The following SPECC1L variants were observed in gnomAD, a reference collection of about 807,000 sequenced individuals.
The protein encoded by SPECC1L is sperm antigen with calponin homology and coiled-coil domains 1 like, also known as cytospin-A.
Under a neutral mutation model 116.8 loss-of-function variants are expected in SPECC1L, and 40 were observed. The ratio of observed to expected loss-of-function variants is 0.34; its 90% CI spans 0.27 to 0.45. The LOEUF is 0.45. Among genes scored for constraint, SPECC1L ranks in the 20% least tolerant of loss-of-function variants. The probability of loss-of-function intolerance (pLI) is 1.00; values close to 1 mark genes in which losing one functional copy is unlikely to be tolerated. For synonymous variants in SPECC1L, 504 were observed against 500.6 expected (o/e 1.01, Z -0.09); for missense variants, 1,110 against 1,373.6 (o/e 0.81, Z 3.03).
intron 11 of SPECC1L, among the ~76,000 whole-genome samples, chr22:24,361,205 C>T (rs550531536): frequency 1.3e-5 from 2 of 152,094 alleles, no homozygotes; most frequent in East Asian, 3.9e-4. Context: ...CAAGATTAGC[C>T]TGGGCAAGAT....
chr22:24,366,916 G>A lies in SPECC1L; in HGVS notation c.2984+1284G>A, dbSNP rs568088670. On this transcript the variant is annotated intron_variant, in intron 13 of 16. Coordinates refer to ENST00000314328, the MANE Select transcript of SPECC1L (RefSeq NM_015330.6). ...TTAAGAATAATTAAAGGAAGCAGCCGGGTGTGGTGGCTCACGTCTGTAATC... is the reference window on the plus strand; with the variant it reads ...TTAAGAATAATTAAAGGAAGCAGCCAGGTGTGGTGGCTCACGTCTGTAATC... Among the ~76,000 whole-genome samples, 380 of 152,250 alleles carry A rather than the reference G, an allele frequency of 2.5e-3. 3 individuals are homozygous for A. Among genetic ancestry groups the A allele is most frequent in the Middle Eastern group, 6.8e-3 (2 of 294 alleles).
chr22:24,414,636 G>A lies in SPECC1L; in HGVS notation c.*13G>A. 6.2e-7 allele frequency: 1 copy of A among 1,612,794 alleles called. No individual in the cohort carries two copies. The highest frequency in any genetic ancestry group is 8.5e-7 in the Non-Finnish European group (1 of 1,179,246). On this transcript the variant is annotated 3_prime_UTR_variant, in exon 17 of 17. Transcript: ENST00000314328. ...CTTTGAGACCTGAGCATGCCGGGAG[G>A]AGCCGCCCCAATAGCGGGGGTACCC...
intron 4 of SPECC1L, among the ~76,000 whole-genome samples, chr22:24,314,857 T>A (rs1569416623): frequency 6.6e-6 from 1 of 152,246 alleles, no homozygotes. Context: ...TTGTCCCTCT[T>A]TAAATGATGT....
intron 14 of SPECC1L, among the ~76,000 whole-genome samples, chr22:24,397,177 C>T (rs2042385015): frequency 6.6e-6 from 1 of 152,050 alleles, no homozygotes; most frequent in Non-Finnish European, 1.5e-5. Context: ...GCCATTTTCC[C>T]TCTGCCAAAA....
At chr22:24,302,824 T>C (rs1210856865) in intron 3 of SPECC1L, among the ~76,000 whole-genome samples, 1 of 152,196 alleles carries the variant, frequency 6.6e-6, no homozygotes, top group Non-Finnish European at 1.5e-5. Context: ...GAAAAGGTCA[T>C]GTGAGCCAAG....
chr22:24,292,947 A>G (rs1478383401), intron 2 of SPECC1L, among the ~76,000 whole-genome samples: 1 of 152,196 alleles, frequency 6.6e-6, no homozygotes, highest in African/African-American at 2.4e-5. Flanking sequence ...AAAGGTTTAG[A>G]TTTTTTAGAA....
At chr22:24,292,405 C>A (rs1051161496) in intron 2 of SPECC1L, among the ~76,000 whole-genome samples, 6 of 152,140 alleles carry the variant, frequency 3.9e-5, no homozygotes, top group Non-Finnish European at 4.4e-5. Flanking sequence ...GATGAAGTAA[C>A]TTCTGGAAGT....
intron 13 of SPECC1L, among the ~76,000 whole-genome samples, chr22:24,366,376 G>A (rs2041766744): frequency 6.6e-6 from 1 of 152,042 alleles, no homozygotes; most frequent in African/African-American, 2.4e-5. Flanking sequence ...TGTGTTTTTA[G>A]TAGAGATGGG....
At chr22:24,311,804 CAAAAA>C (rs915422222) in intron 3 of SPECC1L, among the ~76,000 whole-genome samples, 4,217 of 46,406 alleles carry the variant, frequency 0.091, 157 homozygotes, top group African/African-American at 0.25. Context: ...GACTTTGTCT[CAAAAA>C]AAAAAAAAAA....
chr22:24,320,420 TATTTAAC>T (rs1200641562), intron 4 of SPECC1L, among the ~76,000 whole-genome samples: 2 of 152,234 alleles, frequency 1.3e-5, no homozygotes, highest in African/African-American at 4.8e-5. Flanking sequence ...GCATCATCAT[TATTTAAC>T]ATTAGTGCTT....
At chr22:24,363,118 A>AT in intron 11 of SPECC1L, 143 bp from the exon 12 acceptor site, 1 of 741,818 alleles carries the variant, frequency 1.3e-6, no homozygotes, top group Non-Finnish European at 2.4e-6. Flanking sequence ...TAAACAGACT[A>AT]TGGGAAATTG....
At chr22:24,367,256 CT>C (rs1480417714) in intron 13 of SPECC1L, among the ~76,000 whole-genome samples, 1 of 152,100 alleles carries the variant, frequency 6.6e-6, no homozygotes, top group East Asian at 1.9e-4. Context: ...TTTGATGTGC[CT>C]TTTTGCATCC....
intron 13 of SPECC1L, among the ~76,000 whole-genome samples, chr22:24,366,844 A>G (rs1377666796): frequency 6.6e-6 from 1 of 152,188 alleles, no homozygotes; most frequent in East Asian, 1.9e-4. Flanking sequence ...GATGTCAAAA[A>G]TTTAGCATAC....
Position 24,319,449 on chromosome 22 carries a change from A to G in SPECC1L, c.308-1839A>G, listed in dbSNP as rs537428056. On this transcript the variant is annotated intron_variant, in intron 4 of 16. Transcript: ENST00000314328. ...TCCCAACAGGTCCCTCCCGAAACAC[A>G]TAGGGATTATGGGAACTACAGTTCA... Among the ~76,000 whole-genome samples the G allele has an allele frequency of 3.9e-5, 6 of 152,340 alleles. No homozygotes were observed. In the East Asian group the frequency reaches 9.6e-4, roughly 24 times the overall value.
intron 14 of SPECC1L, among the ~76,000 whole-genome samples, chr22:24,399,790 T>G (rs1224032559): frequency 6.6e-6 from 1 of 152,166 alleles, no homozygotes; most frequent in Non-Finnish European, 1.5e-5. Context: ...GGATGACATA[T>G]ATCAGGTTCC....
At position 24,270,962 on chromosome 22, in the gene SPECC1L, G is replaced by T. The variant is rs1223832935; in HGVS notation, c.-163G>T. 1 of 152,284 alleles carries T rather than the reference G, an allele frequency of 6.6e-6. No homozygotes were observed. Among genetic ancestry groups the T allele is most frequent in the South Asian group, 2.1e-4 (1 of 4,838 alleles). The allele number at this position is 152,284 out of a possible 1,614,324, so 9.4% of individuals were successfully genotyped here. On this transcript the variant is annotated 5_prime_UTR_variant, in exon 1 of 17. The change creates a new upstream start codon in the 5' untranslated region. Coordinates refer to ENST00000314328, the MANE Select transcript of SPECC1L (RefSeq NM_015330.6). ...CCCAGCCCAAACCAGGAGATTGCGAGGGAGCGATGCGGTGCAGCGCGGTAA... is the reference window on the plus strand; with the variant it reads ...CCCAGCCCAAACCAGGAGATTGCGATGGAGCGATGCGGTGCAGCGCGGTAA...
chr22:24,346,414 T>G (rs2041296787), intron 10 of SPECC1L, among the ~76,000 whole-genome samples: 1 of 152,244 alleles, frequency 6.6e-6, no homozygotes, highest in Non-Finnish European at 1.5e-5. Context: ...GGGCAGTTGT[T>G]GTAGCATTAG....
intron 14 of SPECC1L, among the ~76,000 whole-genome samples, chr22:24,396,480 T>A (rs759689884): frequency 6.6e-6 from 1 of 152,120 alleles, no homozygotes; most frequent in Non-Finnish European, 1.5e-5. Context: ...GTATTTTTAG[T>A]TGAGACAGAG....
chr22:24,272,411 G>C (rs187940932), intron 1 of SPECC1L, among the ~76,000 whole-genome samples: 10 of 151,674 alleles, frequency 6.6e-5, no homozygotes, highest in Non-Finnish European at 1.3e-4. Context: ...CCTGGCTCAC[G>C]CCTGTAATCA....
Sources: gnomAD v4.1 joint callset for allele counts (sites outside exome capture counted in the v4.1 genomes callset) on GRCh38, gnomAD v4.1.1 for gene constraint, MANE v1.5 for transcripts, NCBI Gene and HGNC (gene_info 2026-07-23, HGNC 2026-07-21) for gene names.